MMP12: variants seen among roughly 807,000 people sequenced by gnomAD.
MMP12 encodes the protein macrophage metalloelastase.
A neutral mutation model predicts 45.2 loss-of-function variants in MMP12; 51 were observed. That is an observed-to-expected ratio of 1.13 (90% CI 0.90 to 1.42). MMP12 has a LOEUF of 1.42. Ranked by LOEUF, MMP12 falls within the 40% of genes most tolerant of loss-of-function variation. The pLI is 0.00. For synonymous variants in MMP12, 210 were observed against 193.3 expected (o/e 1.09, Z -0.72); for missense variants, 530 against 570.8 (o/e 0.93, Z 0.73).
At chr11:102,870,699 T>C (rs1555009227) in intron 4 of MMP12, among the ~76,000 whole-genome samples, 1 of 152,208 alleles carries the variant, frequency 6.6e-6, no homozygotes, top group East Asian at 1.9e-4. Context: ...GATGGTAAGT[T>C]ACAGTCCTTA....
At chr11:102,864,309 A>T in intron 8 of MMP12, 57 bp from the exon 9 acceptor site, 1 of 1,144,548 alleles carries the variant, frequency 8.7e-7, no homozygotes. Context: ...CCTGACATGC[A>T]CCACAAACCC....
chr11:102,866,552 T>C (rs1591117916), intron 6 of MMP12, 104 bp from the exon 7 acceptor site: 1 of 950,570 alleles, frequency 1.1e-6, no homozygotes, highest in Non-Finnish European at 1.5e-6. Flanking sequence ...TTTCTTTCCA[T>C]TGTCTTCACA....
At position 102,865,778 on chromosome 11, in the gene MMP12, C is replaced by T; in HGVS notation, c.1203G>A (p.Trp401Ter). Residue 401 changes from tryptophan to a stop codon, truncating the protein, a stop_gained and splice_region_variant, in exon 8 of 10, where the codon TGG (tryptophan) becomes TGA (stop). Transcript: ENST00000571244. LOFTEE classifies it high-confidence loss of function. This position sits in a 1 kb window ranked among gnomAD's most constrained non-coding sequence, Gnocchi z 4.1. Reference sequence around the variant, plus strand: ...AATGACCAACCATTAAAACTCACCTCCAATACTGGTTATCTACAAAGAAGT... The same window carrying T: ...AATGACCAACCATTAAAACTCACCTTCAATACTGGTTATCTACAAAGAAGT... ...RTYFFVDNQY[W>*]RYDERRQMMD... 1 of 1,608,516 alleles carries T rather than the reference C, an allele frequency of 6.2e-7. No homozygotes were observed. Among genetic ancestry groups the T allele is most frequent in the Admixed American group, 1.7e-5 (1 of 59,466 alleles).
At chr11:102,866,515 G>C in intron 6 of MMP12, 67 bp from the exon 7 acceptor site, 2 of 1,522,202 alleles carry the variant, frequency 1.3e-6, no homozygotes, top group Non-Finnish European at 1.8e-6. Context: ...GCATGTGAAT[G>C]GGAGGGAACT....
At chr11:102,866,543 T>G (rs1859391599) in intron 6 of MMP12, 95 bp from the exon 7 acceptor site, 10 of 1,293,966 alleles carry the variant, frequency 7.7e-6, no homozygotes, top group Non-Finnish European at 1.1e-5. Flanking sequence ...GACCCAATAT[T>G]TCTTTCCATT....
In MMP12 at chr11:102,871,653, G is replaced by A; in HGVS notation, c.566C>T (p.Ser189Phe). The A allele has an allele frequency of 6.3e-7, 1 of 1,588,134 alleles. No individual in the cohort carries two copies. Among genetic ancestry groups the A allele is most frequent in the Non-Finnish European group, 8.6e-7 (1 of 1,166,036 alleles). The part of the protein sequence containing the change: ...GILAHAFGPG[S>F]GIGGDAHFDE... ...GAAATGTGCATCCCCTCCAATGCCA[G>A]ATCCAGGTCCAAAAGCATGGGCTAG... The change falls in exon 4 of 10, where the codon TCT (serine) becomes TTT (phenylalanine). Residue 189 changes from serine to phenylalanine, a missense_variant. Transcript: ENST00000571244.
At position 102,871,923 on chromosome 11, in the gene MMP12, C is replaced by T. The variant is rs61730844; in HGVS notation, c.380G>A (p.Arg127His). The change falls in exon 3 of 10, where the codon CGT (arginine) becomes CAT (histidine). Residue 127 changes from arginine (R) to histidine (H), a missense_variant. By Grantham distance (29) the Arg-to-His change is conservative (BLOSUM62 0). Coordinates refer to ENST00000571244, the MANE Select transcript of MMP12 (RefSeq NM_002426.6). The part of the protein sequence containing the change: ...RINNYTPDMN[R>H]EDVDYAIRKA... ...CCGGATTGCGTAGTCAACATCCTCACGGTTCATGTCAGGTGTGTAATTATT... is the reference window on the plus strand; with the variant it reads ...CCGGATTGCGTAGTCAACATCCTCATGGTTCATGTCAGGTGTGTAATTATT... The T allele has an allele frequency of 7.5e-4, 1,217 of 1,612,700 alleles. 10 individuals carry two copies. The African/African-American group carries it at 0.014, about 18-fold the overall frequency.
intron 4 of MMP12, among the ~76,000 whole-genome samples, chr11:102,870,005 C>T (rs1859464686): frequency 6.6e-6 from 1 of 152,138 alleles, no homozygotes; most frequent in Non-Finnish European, 1.5e-5. Flanking sequence ...AATAACTTCA[C>T]TTTTTGAAAG....
Position 102,862,869 on chromosome 11 carries a change from C to T in MMP12, c.*231G>A, listed in dbSNP as rs1555007993. The stretch of plus-strand genomic sequence containing the variant: ...ATGCTTCAAATAGAATTCTCTTGGC[C>T]TTTGAAGGTAACTATTTTCAAACTT... On this transcript the variant is annotated 3_prime_UTR_variant, in exon 10 of 10. Transcript: ENST00000571244. The T allele has an allele frequency of 3.2e-6, 1 of 312,386 alleles. No individual in the cohort carries two copies. The highest frequency in any genetic ancestry group is 5.6e-5 in the East Asian group (1 of 17,716). The allele number at this position is 312,386 out of a possible 1,614,324, so 19.4% of individuals were successfully genotyped here.
chr11:102,869,845 G>A (rs782534198), intron 4 of MMP12, among the ~76,000 whole-genome samples: 17 of 152,086 alleles, frequency 1.1e-4, no homozygotes, highest in Non-Finnish European at 2.4e-4. Context: ...CTTGAACCCT[G>A]GAGGCGAAGG....
At position 102,867,294 on chromosome 11, in the gene MMP12, T is replaced by C. The variant is rs782282813; in HGVS notation, c.887A>G (p.Asn296Ser). 6.2e-7 allele frequency: 1 copy of C among 1,603,938 alleles called. No individual in the cohort carries two copies. The highest frequency in any genetic ancestry group is 8.5e-7 in the Non-Finnish European group (1 of 1,175,414). The change falls in exon 6 of 10, where the codon AAT becomes AGT. Residue 296 changes from asparagine (N) to serine (S), a missense_variant. Coordinates refer to ENST00000571244, the MANE Select transcript of MMP12 (RefSeq NM_002426.6). ...CCTGTCTTTGAAGAAAAAGATCTTA[T>C]TTCCCACGGTAGTGACAGCATCAAA... The part of the protein sequence containing the change: ...LSFDAVTTVG[N>S]KIFFFKDRFF...
chr11:102,871,008 A>G (rs1236444606), intron 4 of MMP12, among the ~76,000 whole-genome samples: 1 of 152,108 alleles, frequency 6.6e-6, no homozygotes, highest in East Asian at 1.9e-4. Context: ...TGCAATCTTA[A>G]CACTTTGGGA....
intron 4 of MMP12, 23 bp downstream of exon 4, chr11:102,871,571 G>C: frequency 6.5e-7 from 1 of 1,546,796 alleles, no homozygotes; most frequent in Non-Finnish European, 8.7e-7. Flanking sequence ...TTTTTTGTTT[G>C]TTTGTTTGTT....
chr11:102,866,310 A>T lies in MMP12; in HGVS notation c.1045+5T>A. ...CTCAATGGCAAAACTAAAGATTAGA[A>T]TTACCTTTAAAAAGAAAAACTTGAT... On this transcript the variant is annotated splice_donor_5th_base_variant and intron_variant, in intron 7 of 9. Transcript: ENST00000571244. 6.4e-7 allele frequency: 1 copy of T among 1,566,908 alleles called. No homozygotes were observed. Among genetic ancestry groups the T allele is most frequent in the Non-Finnish European group, 8.6e-7 (1 of 1,156,374 alleles).
At position 102,866,498 on chromosome 11, in the gene MMP12, A is replaced by C. The variant is rs781805580; in HGVS notation, c.912-50T>G. ...TGTTAAAAGACAATGTAGACTCAAG[A>C]ACCATGGCATGTGAATGGGAGGGAA... On this transcript the variant is annotated intron_variant, in intron 6 of 9. Coordinates refer to ENST00000571244, the MANE Select transcript of MMP12 (RefSeq NM_002426.6). The C allele has an allele frequency of 1.3e-5, 21 of 1,586,066 alleles. No individual in the cohort carries two copies. The Admixed American group carries it at 3.6e-4, about 27-fold the overall frequency.
chr11:102,874,583 G>A (rs1859560330), intron 1 of MMP12, among the ~76,000 whole-genome samples: 1 of 152,070 alleles, frequency 6.6e-6, no homozygotes, highest in Non-Finnish European at 1.5e-5. Flanking sequence ...GAAATTTCTT[G>A]GCCAAAGGTT....
intron 4 of MMP12, among the ~76,000 whole-genome samples, chr11:102,870,507 G>A (rs1293212905): frequency 6.6e-6 from 1 of 152,208 alleles, no homozygotes; most frequent in Non-Finnish European, 1.5e-5. Context: ...AGGATGCTGA[G>A]TAGAGAATAT....
intron 2 of MMP12, 78 bp downstream of exon 2, chr11:102,872,787 G>A: frequency 6.8e-7 from 1 of 1,480,446 alleles, no homozygotes; most frequent in Non-Finnish European, 9.1e-7. Flanking sequence ...CCAGATTTAG[G>A]GCTGTCTAAC....
Position 102,864,183 on chromosome 11 carries a change from G to T in MMP12, c.1275C>A (p.Ile425=). 1.2e-6 allele frequency: 2 copies of T among 1,613,648 alleles called. No individual in the cohort carries two copies. Among genetic ancestry groups the T allele is most frequent in the Non-Finnish European group, 1.7e-6 (2 of 1,179,692 alleles). ...PKLITKNFQG[I]GPKIDAVFYS... is the part of the protein sequence containing the mutation. ...AGAAGACTGCATCAATTTTAGGCCC[G>T]ATTCCTTGGAAGTTCTTGGTAATCA... The change falls in exon 9 of 10, where the codon ATC becomes ATA. Residue 425 remains isoleucine (I), a synonymous_variant. Transcript: ENST00000571244.
Sources: gnomAD v4.1 joint callset for allele counts (sites outside exome capture counted in the v4.1 genomes callset) on GRCh38, gnomAD v4.1.1 for gene constraint, Gnocchi (gnomAD v3.1) non-coding constraint, MANE v1.5 for transcripts, NCBI Gene and HGNC (gene_info 2026-07-23, HGNC 2026-07-21) for gene names.